HOXC5: variants seen among roughly 807,000 people sequenced by gnomAD.
HOXC5 encodes homeobox protein Hox-C5.
Under a neutral mutation model 20.1 loss-of-function variants are expected in HOXC5, and 19 were observed. The ratio of observed to expected loss-of-function variants is 0.94; its 90% CI spans 0.66 to 1.38. The LOEUF (loss-of-function observed/expected upper bound fraction) is 1.38, where lower values mean the gene tolerates loss of function less well. Ranked by LOEUF, HOXC5 falls within the 40% of genes most tolerant of loss-of-function variation. HOXC5 has a pLI of 0.00. For synonymous variants in HOXC5, 124 were observed against 117.0 expected (o/e 1.06, Z -0.39); for missense variants, 330 against 300.1 (o/e 1.10, Z -0.74).
the HOXC5 span, chr12:54,020,832 T>C: frequency 2.0e-5 from 3 of 152,204 alleles, no homozygotes; most frequent in East Asian, 1.9e-4. Context: ...TCAGACCTTA[T>C]TGCTTTTGTT....
upstream of HOXC5, among the ~76,000 whole-genome samples, chr12:54,031,627 G>C (rs1228087652): frequency 6.6e-6 from 1 of 152,182 alleles, no homozygotes; most frequent in African/African-American, 2.4e-5. Context: ...GTGTTGAGGA[G>C]GGTCTCCGGA....
the HOXC5 span, among the ~76,000 whole-genome samples, chr12:54,027,857 T>C: frequency 7.9e-5 from 12 of 152,196 alleles, no homozygotes; most frequent in African/African-American, 2.9e-4. Flanking sequence ...AGCCACACTC[T>C]ACTTACTCAG....
intron 1 of HOXC5, chr12:54,033,926 T>G (rs1264988839): frequency 7.8e-6 from 3 of 385,444 alleles, no homozygotes; most frequent in Non-Finnish European, 1.5e-5. Context: ...CGCCGGCGCT[T>G]GCGGCTCCGG....
At chr12:54,027,490 A>C in the HOXC5 span, among the ~76,000 whole-genome samples, 1 of 152,210 alleles carries the variant, frequency 6.6e-6, no homozygotes, top group African/African-American at 2.4e-5. Context: ...CTGGCTCCAA[A>C]TAATAAATTC....
chr12:54,030,243 C>T (rs954142535), upstream of HOXC5: 1 of 291,442 alleles, frequency 3.4e-6, no homozygotes, highest in Non-Finnish European at 6.4e-6. Context: ...GGGCTCGGAC[C>T]CTGAACTCAG....
upstream of HOXC5, chr12:54,030,596 G>A (rs1253392220): frequency 6.6e-6 from 1 of 152,466 alleles, no homozygotes; most frequent in Non-Finnish European, 1.5e-5. Context: ...TGTGGTCTCT[G>A]TATTTATATT....
At chr12:54,029,905 C>T (rs765585868), upstream of HOXC5, 4 of 1,608,658 alleles carry the variant, frequency 2.5e-6, no homozygotes, top group South Asian at 1.1e-5. Context: ...CCGCCGACAG[C>T]CTGGGCGGAA....
the HOXC5 span, among the ~76,000 whole-genome samples, chr12:54,026,477 T>C: frequency 6.6e-6 from 1 of 152,238 alleles, no homozygotes; most frequent in East Asian, 1.9e-4. Flanking sequence ...TTTTTCTTAA[T>C]TTAAAAATCC....
the HOXC5 span, among the ~76,000 whole-genome samples, chr12:54,024,141 C>T: frequency 2.6e-5 from 4 of 152,218 alleles, no homozygotes; most frequent in African/African-American, 7.2e-5. Context: ...TACTGAAACT[C>T]GGCTTTCTCC....
At chr12:54,034,215 G>A (rs1249562296) in intron 1 of HOXC5, 63 bp from the exon 2 acceptor site, 1 of 1,455,870 alleles carries the variant, frequency 6.9e-7, no homozygotes, top group Non-Finnish European at 9.6e-7. Context: ...GGCTGGGGTG[G>A]GGACGGGGGA....
chr12:54,028,618 C>T (rs1940839051), upstream of HOXC5: 1 of 1,614,128 alleles, frequency 6.2e-7, no homozygotes, highest in Non-Finnish European at 8.5e-7. Flanking sequence ...CGCCTATGAT[C>T]CAGTGAGGCA....
upstream of HOXC5, chr12:54,032,969 C>T: frequency 1.5e-6 from 1 of 654,330 alleles, no homozygotes; most frequent in South Asian, 2.1e-5. Flanking sequence ...CTATTTAAGG[C>T]TCCCTTATTT....
At chr12:54,034,001 A>C in intron 1 of HOXC5, 1 of 623,396 alleles carries the variant, frequency 1.6e-6, no homozygotes, top group East Asian at 3.4e-5. Flanking sequence ...GAGGGTGCTT[A>C]TTGTTCGGTC....
At chr12:54,033,716 G>C in intron 1 of HOXC5, 140 bp downstream of exon 1, 1 of 730,470 alleles carries the variant, frequency 1.4e-6, no homozygotes, top group Non-Finnish European at 2.2e-6. Flanking sequence ...CCACTAAAAG[G>C]CTTAGAGGCT....
chr12:54,025,286 A>T, the HOXC5 span, among the ~76,000 whole-genome samples: 1 of 152,206 alleles, frequency 6.6e-6, no homozygotes, highest in African/African-American at 2.4e-5. Flanking sequence ...ACAGGAAAAT[A>T]TAAATATATT....
upstream of HOXC5, chr12:54,028,494 C>G: frequency 1.2e-6 from 2 of 1,605,044 alleles, no homozygotes; most frequent in Non-Finnish European, 1.7e-6. Context: ...TTAAAGAAAT[C>G]ATAGACCGAC....
upstream of HOXC5, among the ~76,000 whole-genome samples, chr12:54,029,411 GCC>G (rs1296757845): frequency 8.8e-4 from 68 of 76,922 alleles, 1 homozygote; most frequent in African/African-American, 2.9e-3. Flanking sequence ...CCGCCCCCCC[GCC>G]CCCCCCCCCA....
At chr12:54,030,127 C>A (rs1940926902), upstream of HOXC5, 2 of 636,642 alleles carry the variant, frequency 3.1e-6, no homozygotes, top group Non-Finnish European at 5.3e-6. Flanking sequence ...TCTGGACCCC[C>A]TCCCTCACCG....
chr12:54,018,489 G>C, the HOXC5 span, among the ~76,000 whole-genome samples: 1 of 152,254 alleles, frequency 6.6e-6, no homozygotes, highest in Non-Finnish European at 1.5e-5. Context: ...CTGGGGCGGC[G>C]GGAGGGTCCT....
Sources: gnomAD v4.1 joint callset for allele counts (sites outside exome capture counted in the v4.1 genomes callset) on GRCh38, gnomAD v4.1.1 for gene constraint, MANE v1.5 for transcripts, NCBI Gene and HGNC (gene_info 2026-07-23, HGNC 2026-07-21) for gene names.